PAK2: variants seen among roughly 807,000 people sequenced by gnomAD.
PAK2 encodes serine/threonine-protein kinase PAK 2.
A neutral mutation model predicts 65.9 loss-of-function variants in PAK2; 21 were observed. The observed-to-expected ratio is 0.32, with a 90% CI of 0.23 to 0.46. The LOEUF (loss-of-function observed/expected upper bound fraction) is 0.46. PAK2 is among the 20% of genes least tolerant of loss of function. The pLI, the probability that PAK2 is intolerant of heterozygous loss-of-function variation, is 1.00. For missense variants in PAK2, 324 were observed against 642.6 expected (o/e 0.50, Z 5.36); for synonymous variants, 204 against 219.7 (o/e 0.93, Z 0.63).
At chr3:196,767,151 T>G (rs774272577) in intron 1 of PAK2, among the ~76,000 whole-genome samples, 3 of 152,184 alleles carry the variant, frequency 2.0e-5, no homozygotes, top group Admixed American at 6.6e-5. Flanking sequence ...TGTTCTGTAG[T>G]TAGTTGAGCC....
intron 11 of PAK2, among the ~76,000 whole-genome samples, chr3:196,815,532 T>C (rs1192291872): frequency 6.6e-6 from 1 of 150,658 alleles, no homozygotes. Flanking sequence ...CTCTCGCCTG[T>C]AATACCAGCA....
rs1407275124 is a variant in PAK2, at chr3:196,801,805, C to T, written c.188-122C>T. On this transcript the variant is annotated intron_variant, in intron 2 of 14. Transcript: ENST00000327134. ...CTGAGATTGCACCACTGCACTCCAG[C>T]CTGGGCAACAAGAGCGAAACTCCAT... The T allele has an allele frequency of 8.4e-6, 5 of 591,886 alleles. No individual in the cohort carries two copies. In the East Asian group the frequency reaches 1.2e-4, roughly 14 times the overall value. 36.7% of individuals were successfully genotyped at this position (591,886 alleles called of 1,614,324 possible). A position where few individuals can be genotyped will look rare whatever the true frequency, so the allele number is the denominator to read the frequency against.
In PAK2 at chr3:196,803,118, C is replaced by T. The variant is rs775335636; in HGVS notation, c.390C>T (p.Tyr130=). 7.4e-6 allele frequency: 12 copies of T among 1,612,762 alleles called. No individual in the cohort carries two copies. In the East Asian group the frequency reaches 8.9e-5, roughly 12 times the overall value. The stretch of plus-strand genomic sequence containing the variant: ...CTGTGCTGGATGTCCTAAAGTTCTA[C>T]GACTCCAACACAGTGAAGCAGAAAT... ...PQAVLDVLKF[Y]DSNTVKQKYL... The change falls in exon 4 of 15, where the codon TAC becomes TAT. Residue 130 remains tyrosine, a synonymous_variant. Transcript: ENST00000327134.
At chr3:196,757,799 C>G (rs71323746) in intron 1 of PAK2, among the ~76,000 whole-genome samples, 21,058 of 152,030 alleles carry the variant, frequency 0.14, 1,656 homozygotes, top group Admixed American at 0.19. Flanking sequence ...CGATAAATAC[C>G]GAGAATACTC....
intron 13 of PAK2, among the ~76,000 whole-genome samples, chr3:196,822,780 C>G (rs1474183901): frequency 6.6e-6 from 1 of 152,122 alleles, no homozygotes; most frequent in Non-Finnish European, 1.5e-5. Flanking sequence ...CATTTGGACA[C>G]AGGAAGTAAG....
intron 1 of PAK2, among the ~76,000 whole-genome samples, chr3:196,759,488 G>GTTTTTTTTTTTT (rs1560092714): frequency 4.5e-5 from 5 of 111,110 alleles, no homozygotes; most frequent in South Asian, 3.1e-4. Context: ...ACAGTTAAGT[G>GTTTTTTTTTTTT]GTTTTTTTTG....
intron 2 of PAK2, among the ~76,000 whole-genome samples, chr3:196,795,814 A>G (rs1375245906): frequency 6.6e-6 from 1 of 152,224 alleles, no homozygotes; most frequent in Non-Finnish European, 1.5e-5. Flanking sequence ...TGTCAGATGG[A>G]AATGTGGACT....
chr3:196,743,120 G>GC (rs1289066299), intron 1 of PAK2, among the ~76,000 whole-genome samples: 1 of 151,950 alleles, frequency 6.6e-6, no homozygotes, highest in Non-Finnish European at 1.5e-5. Flanking sequence ...ATCCCTCATT[G>GC]CCCCCAAAAA....
At chr3:196,790,004 C>T (rs1340461090) in intron 2 of PAK2, among the ~76,000 whole-genome samples, 1 of 152,184 alleles carries the variant, frequency 6.6e-6, no homozygotes, top group East Asian at 1.9e-4. Context: ...CTGTGCCACC[C>T]AGTTCCTAAC....
rs369155933 is a variant in PAK2 at position 196,808,844 on chromosome 3, G to A, written c.709+930G>A. Reference sequence around the variant, plus strand: ...CCACTGCACTCCAGCCTGGGCGAAAGAGCGAGACTCAGTCTCAAAAAATAA... The same window carrying A: ...CCACTGCACTCCAGCCTGGGCGAAAAAGCGAGACTCAGTCTCAAAAAATAA... On this transcript the variant is annotated intron_variant, in intron 7 of 14. Transcript: ENST00000327134. Among the ~76,000 whole-genome samples the A allele has an allele frequency of 2.5e-3, 379 of 152,216 alleles. 2 individuals carry two copies. The highest frequency in any genetic ancestry group is 8.8e-3 in the African/African-American group (367 of 41,548).
intron 2 of PAK2, among the ~76,000 whole-genome samples, chr3:196,789,537 A>G (rs1387144041): frequency 6.6e-6 from 1 of 151,108 alleles, no homozygotes; most frequent in Admixed American, 6.6e-5. Context: ...GTCTCAGCTC[A>G]CTGCAACCTC....
At chr3:196,780,595 G>T (rs990380365) in intron 1 of PAK2, among the ~76,000 whole-genome samples, 2 of 152,076 alleles carry the variant, frequency 1.3e-5, no homozygotes, top group African/African-American at 4.8e-5. Context: ...ATGAGATTTG[G>T]GTGGGGATGC....
intron 2 of PAK2, among the ~76,000 whole-genome samples, chr3:196,794,704 C>G (rs1335982416): frequency 2.6e-5 from 4 of 152,176 alleles, no homozygotes; most frequent in Admixed American, 6.5e-5. Flanking sequence ...CTGTATAACT[C>G]AGCCAAAGGG....
intron 11 of PAK2, among the ~76,000 whole-genome samples, chr3:196,816,444 A>G (rs910637264): frequency 6.6e-6 from 1 of 152,190 alleles, no homozygotes; most frequent in African/African-American, 2.4e-5. Flanking sequence ...ACCTATTTAT[A>G]CTTAATTTTG....
chr3:196,830,577 A>G lies in PAK2; in HGVS notation c.*2172A>G, dbSNP rs1389799821. 1.3e-5 allele frequency: 2 copies of G among 152,194 alleles called. No individual in the cohort carries two copies. The highest frequency in any genetic ancestry group is 2.9e-5 in the Non-Finnish European group (2 of 68,042). The allele number at this position is 152,194 out of a possible 1,614,324, so 9.4% of individuals were successfully genotyped here. ...CGCCTCGTTTCAGGCTTGTGACTCA[A>G]CAAAGGGCTTTTCCATTGATAGAAG... On this transcript the variant is annotated 3_prime_UTR_variant, in exon 15 of 15. Transcript: ENST00000327134.
chr3:196,751,667 T>TTATATATATATATATATATATA (rs1713593282), intron 1 of PAK2, among the ~76,000 whole-genome samples: 2 of 45,108 alleles, frequency 4.4e-5, no homozygotes, highest in East Asian at 4.4e-4. Flanking sequence ...ACAAATTTAT[T>TTATATATATATATATATATATA]TATATACATA....
intron 1 of PAK2, among the ~76,000 whole-genome samples, chr3:196,754,598 T>C (rs1383757499): frequency 6.6e-6 from 1 of 152,218 alleles, no homozygotes; most frequent in South Asian, 2.1e-4. Context: ...ATTTCTAGCA[T>C]GTGCTGCTGT....
chr3:196,760,991 C>G (rs146844526), intron 1 of PAK2, among the ~76,000 whole-genome samples: 4,524 of 152,172 alleles, frequency 0.03, 84 homozygotes, highest in Middle Eastern at 0.068. Context: ...AATCCCAGCA[C>G]TTTGGGAGGC....
chr3:196,769,025 T>C (rs1714274264), intron 1 of PAK2, among the ~76,000 whole-genome samples: 3 of 151,952 alleles, frequency 2.0e-5, no homozygotes, highest in Non-Finnish European at 2.9e-5. Flanking sequence ...TCTCCTTTTT[T>C]GATGTAAACA....
Sources: gnomAD v4.1 joint callset for allele counts (sites outside exome capture counted in the v4.1 genomes callset) on GRCh38, gnomAD v4.1.1 for gene constraint, MANE v1.5 for transcripts, NCBI Gene and HGNC (gene_info 2026-07-23, HGNC 2026-07-21) for gene names.